COL19A1: variants seen among roughly 807,000 people sequenced by gnomAD.
COL19A1 encodes collagen type XIX alpha 1 chain.
A neutral mutation model predicts 190.2 loss-of-function variants in COL19A1; 159 were observed. The ratio of observed to expected loss-of-function variants is 0.84; its 90% CI spans 0.73 to 0.95. The LOEUF is 0.95. COL19A1 is among the 40% of genes least tolerant of loss of function. The pLI is 0.00. For missense variants in COL19A1, 1,418 were observed against 1,431.9 expected (o/e 0.99, Z 0.16); for synonymous variants, 509 against 458.9 (o/e 1.11, Z -1.39).
chr6:70,151,933 G>C (rs1259306531), intron 31 of COL19A1, among the ~76,000 whole-genome samples: 1 of 152,010 alleles, frequency 6.6e-6, no homozygotes, highest in Admixed American at 6.6e-5. Context: ...AAATTCCACA[G>C]TTGACAAGTG....
In COL19A1 at chr6:69,898,952, G is replaced by C. The variant is rs1055595583; in HGVS notation, c.96G>C (p.Glu32Asp). The C allele has an allele frequency of 1.6e-5, 25 of 1,605,938 alleles. No individual in the cohort carries two copies. The highest frequency in any genetic ancestry group is 1.7e-4 in the Middle Eastern group (1 of 6,026). Residue 32 changes from glutamate (E) to aspartate (D), a missense_variant, in exon 3 of 51, where the codon GAG becomes GAC. Glu to Asp is a conservative substitution (Grantham distance 45). Transcript: ENST00000620364. Reference protein sequence around the residue: ...TSVTVRDKTEESCPILRIEGH... With the variant: ...TSVTVRDKTEDSCPILRIEGH... The stretch of plus-strand genomic sequence containing the variant: ...GCTTTTTTTCTTTTTAAATAGAAGA[G>C]TCATGCCCTATCCTGAGAATAGAGG...
chr6:70,074,530 G>A (rs1781759822), intron 15 of COL19A1, among the ~76,000 whole-genome samples: 2 of 148,342 alleles, frequency 1.3e-5, no homozygotes, highest in Admixed American at 1.3e-4. Flanking sequence ...GAGAGAAAGA[G>A]TATTTCTTCT....
chr6:70,191,154 A>G (rs1431018199), intron 48 of COL19A1, among the ~76,000 whole-genome samples: 1 of 152,200 alleles, frequency 6.6e-6, no homozygotes, highest in Non-Finnish European at 1.5e-5. Flanking sequence ...TGCTCTAGAT[A>G]CTTCAATAAT....
chr6:70,070,811 T>C (rs1389176885), intron 15 of COL19A1, among the ~76,000 whole-genome samples: 2 of 152,202 alleles, frequency 1.3e-5, no homozygotes, highest in Non-Finnish European at 2.9e-5. Context: ...ATGCACATTC[T>C]GAAAGCTAAG....
Position 70,027,968 on chromosome 6 carries a change from T to C in COL19A1, c.1080+4288T>C, listed in dbSNP as rs145684881. Among the ~76,000 whole-genome samples, 54 of 152,286 alleles carry C rather than the reference T, an allele frequency of 3.5e-4. No individual in the cohort carries two copies. In the East Asian group the frequency reaches 6.0e-3, roughly 17 times the overall value. ...TAGCCTCTCTGTGCCTCAGTTTCTT[T>C]ATTTGCACCATGGAATGATAATTTC... is the stretch of plus-strand genomic sequence containing the variant. On this transcript the variant is annotated intron_variant, in intron 12 of 50. Transcript: ENST00000620364.
intron 15 of COL19A1, among the ~76,000 whole-genome samples, chr6:70,081,916 G>A (rs1782283230): frequency 6.6e-6 from 1 of 152,100 alleles, no homozygotes; most frequent in Non-Finnish European, 1.5e-5. Flanking sequence ...AAGAAAGAAT[G>A]TAATGTGTTT....
At chr6:70,150,187 G>C (rs189576071) in intron 30 of COL19A1, 142 bp downstream of exon 30, 4 of 840,124 alleles carry the variant, frequency 4.8e-6, no homozygotes, top group Non-Finnish European at 7.7e-6. Flanking sequence ...TTATTTTGTC[G>C]AGTGAAAAAA....
At chr6:70,043,837 ACCT>A (rs1039671116) in intron 14 of COL19A1, among the ~76,000 whole-genome samples, 3 of 152,140 alleles carry the variant, frequency 2.0e-5, no homozygotes, top group African/African-American at 7.2e-5. Context: ...GATTGGCTTT[ACCT>A]TAAAGTCACA....
chr6:70,061,640 T>C (rs1319395547), intron 14 of COL19A1, among the ~76,000 whole-genome samples: 1 of 152,150 alleles, frequency 6.6e-6, no homozygotes, highest in African/African-American at 2.4e-5. Flanking sequence ...AGTAGATTTT[T>C]GATTATATGT....
At chr6:69,920,057 A>G (rs1262835408) in intron 4 of COL19A1, among the ~76,000 whole-genome samples, 1 of 152,288 alleles carries the variant, frequency 6.6e-6, no homozygotes, top group East Asian at 1.9e-4. Flanking sequence ...GAATAGTTGT[A>G]ATTTTTAAAA....
intron 14 of COL19A1, among the ~76,000 whole-genome samples, chr6:70,038,157 C>T (rs556224166): frequency 5.9e-5 from 9 of 152,256 alleles, no homozygotes; most frequent in Admixed American, 2.0e-4. Flanking sequence ...TGACTAACTG[C>T]GTTATATTTG....
At chr6:70,173,604 A>G (rs1207698045) in intron 41 of COL19A1, among the ~76,000 whole-genome samples, 1 of 152,198 alleles carries the variant, frequency 6.6e-6, no homozygotes. Flanking sequence ...TGGATTTAGC[A>G]ATGTAGAGGT....
At chr6:69,947,475 G>A (rs1196417345) in intron 9 of COL19A1, among the ~76,000 whole-genome samples, 6 of 151,844 alleles carry the variant, frequency 4.0e-5, no homozygotes, top group Admixed American at 1.3e-4. Context: ...TCACCTTGTC[G>A]TATTTTTCCC....
chr6:69,896,515 G>A (rs932776656), intron 2 of COL19A1, among the ~76,000 whole-genome samples: 2 of 139,312 alleles, frequency 1.4e-5, no homozygotes, highest in South Asian at 2.2e-4. Context: ...CCGCAGTCCG[G>A]CCTGGGCGAC....
chr6:69,944,534 C>T (rs1042577036), intron 9 of COL19A1, among the ~76,000 whole-genome samples: 24 of 152,056 alleles, frequency 1.6e-4, no homozygotes, highest in African/African-American at 5.3e-4. Flanking sequence ...AACTATTGTT[C>T]TACTACAGTT....
Position 70,171,970 on chromosome 6 carries a change from C to A in COL19A1, c.2575C>A (p.Pro859Thr), listed in dbSNP as rs765606363. Residue 859 changes from proline to threonine, a missense_variant, in exon 41 of 51, where the codon CCT (proline) becomes ACT (threonine). Pro to Thr is a conservative substitution (Grantham distance 38). Transcript: ENST00000620364. ...TTATGTTCATATTTAACAGGGAGAG[C>A]CTGGTGCAATGGGGTTGCCAGGATT... ...PKGDPGPVGEPGAMGLPGLEG... is the reference protein window; with the variant it reads ...PKGDPGPVGETGAMGLPGLEG... 6.2e-7 allele frequency: 1 copy of A among 1,612,518 alleles called. No individual in the cohort carries two copies. The highest frequency in any genetic ancestry group is 1.7e-4 in the Middle Eastern group (1 of 6,056).
chr6:70,059,133 T>C (rs917022512), intron 14 of COL19A1, among the ~76,000 whole-genome samples: 4 of 152,256 alleles, frequency 2.6e-5, no homozygotes, highest in Non-Finnish European at 5.9e-5. Flanking sequence ...ATGCAGATTC[T>C]AGTTAATCTT....
chr6:69,897,884 G>T (rs62420122), intron 2 of COL19A1, among the ~76,000 whole-genome samples: 259 of 152,042 alleles, frequency 1.7e-3, no homozygotes, highest in Non-Finnish European at 3.1e-3. Flanking sequence ...CAGTATATTT[G>T]CTTCTTATTT....
Position 70,207,912 on chromosome 6 carries a change from A to G in COL19A1, c.*638A>G, listed in dbSNP as rs1384910729. On this transcript the variant is annotated 3_prime_UTR_variant, in exon 51 of 51. Coordinates refer to ENST00000620364, the MANE Select transcript of COL19A1 (RefSeq NM_001858.6). ...TTATCAGGGAGCCCAAACACCCAGC[A>G]TAGCCAACTACTGAAATGATTTTGT... 2 of 152,230 alleles carry G rather than the reference A, an allele frequency of 1.3e-5. No homozygotes were observed. Among genetic ancestry groups the G allele is most frequent in the African/African-American group, 2.4e-5 (1 of 41,464 alleles). The allele number at this position is 152,230 out of a possible 1,614,324, so 9.4% of individuals were successfully genotyped here.
Sources: gnomAD v4.1 joint callset for allele counts (sites outside exome capture counted in the v4.1 genomes callset) on GRCh38, gnomAD v4.1.1 for gene constraint, MANE v1.5 for transcripts, NCBI Gene and HGNC (gene_info 2026-07-23, HGNC 2026-07-21) for gene names.